Variants in ZNF407 observed in about 807,000 individuals in gnomAD.
The protein encoded by ZNF407 is zinc finger protein 407.
ZNF407 carries 17 observed loss-of-function variants against 131.2 expected under a neutral mutation model. The observed-to-expected ratio is 0.13, with a 90% CI of 0.09 to 0.19. The LOEUF (loss-of-function observed/expected upper bound fraction) is 0.19, where lower values mean the gene tolerates loss of function less well. Ranked by LOEUF, ZNF407 falls within the 10% of genes least tolerant of loss-of-function variation. The pLI, the probability that ZNF407 is intolerant of heterozygous loss-of-function variation, is 1.00. For missense variants in ZNF407, 2,681 were observed against 2,830.6 expected, an observed-to-expected ratio of 0.95 and a Z score of 1.20; for synonymous variants, 1,156 against 1,062.0, an observed-to-expected ratio of 1.09 and a Z score of -1.72.
chr18:74,803,786 G>T (rs1031689276), intron 4 of ZNF407, among the ~76,000 whole-genome samples: 10 of 152,170 alleles, frequency 6.6e-5, no homozygotes, highest in African/African-American at 2.2e-4. Context: ...GTTACCTTGG[G>T]TCTGTGTGTC....
intron 3 of ZNF407, among the ~76,000 whole-genome samples, chr18:74,675,090 C>G (rs1056475763): frequency 1.4e-4 from 21 of 152,316 alleles, no homozygotes; most frequent in Non-Finnish European, 2.4e-4. Flanking sequence ...CTGTCACTCT[C>G]TACTCACTAA....
At chr18:74,601,974 C>G (rs1486138205) in intron 1 of ZNF407, among the ~76,000 whole-genome samples, 1 of 152,200 alleles carries the variant, frequency 6.6e-6, no homozygotes, top group Non-Finnish European at 1.5e-5. Context: ...ATAGCTACAC[C>G]TACATATGTA....
chr18:74,727,918 C>G (rs186798578), intron 3 of ZNF407, among the ~76,000 whole-genome samples: 81 of 152,234 alleles, frequency 5.3e-4, no homozygotes, highest in African/African-American at 1.8e-3. Context: ...TGGATTCGGA[C>G]AAGAAGACAA....
At chr18:74,661,592 C>T (rs1985718166) in intron 3 of ZNF407, among the ~76,000 whole-genome samples, 1 of 151,846 alleles carries the variant, frequency 6.6e-6, no homozygotes. Context: ...AAGTTAGCTG[C>T]ATTTCTCAAA....
chr18:74,664,304 A>G (rs1456537313), intron 3 of ZNF407, among the ~76,000 whole-genome samples: 1 of 152,220 alleles, frequency 6.6e-6, no homozygotes, highest in Admixed American at 6.5e-5. Context: ...GCTCGAGGCC[A>G]GCCTGGCCAA....
intron 4 of ZNF407, among the ~76,000 whole-genome samples, chr18:74,785,787 T>G (rs1265773238): frequency 1.3e-5 from 2 of 148,500 alleles, no homozygotes; most frequent in African/African-American, 4.9e-5. Flanking sequence ...CACACACATG[T>G]CACCCACATG....
Position 74,786,515 on chromosome 18 carries a change from G to C in ZNF407, c.4877+5013G>C, listed in dbSNP as rs980056595. Reference sequence around the variant, plus strand: ...TGATGGCCAATTTAGGAAAAATAAAGTGTTTATGGGCTTCTCTCCACCTTA... The same window carrying C: ...TGATGGCCAATTTAGGAAAAATAAACTGTTTATGGGCTTCTCTCCACCTTA... On this transcript the variant is annotated intron_variant, in intron 4 of 8. Transcript: ENST00000299687. 8.6e-5 allele frequency among the ~76,000 whole-genome samples: 13 copies of C among 150,854 alleles called. 1 individual carries two copies. The highest frequency in any genetic ancestry group is 7.9e-4 in the Admixed American group (12 of 15,150).
chr18:74,758,647 G>T (rs904191099), intron 3 of ZNF407, among the ~76,000 whole-genome samples: 2 of 152,158 alleles, frequency 1.3e-5, no homozygotes, highest in Non-Finnish European at 2.9e-5. Flanking sequence ...CTGGAGTGCA[G>T]TGGCATGATC....
At chr18:74,683,457 G>T (rs1967032019) in intron 3 of ZNF407, among the ~76,000 whole-genome samples, 1 of 152,106 alleles carries the variant, frequency 6.6e-6, no homozygotes, top group Admixed American at 6.5e-5. Context: ...GACTAAACAG[G>T]ATTAGAAATG....
intron 7 of ZNF407, chr18:74,897,981 T>A (rs1438430576): frequency 6.6e-6 from 1 of 152,232 alleles, no homozygotes; most frequent in East Asian, 1.9e-4. Flanking sequence ...TTGGTCAGAG[T>A]GCTAAGATAC....
intron 8 of ZNF407, among the ~76,000 whole-genome samples, chr18:75,027,860 A>C (rs1032273782): frequency 6.6e-6 from 1 of 152,208 alleles, no homozygotes; most frequent in African/African-American, 2.4e-5. Context: ...AGAGATGGTC[A>C]GCTGTAGCTA....
chr18:74,825,016 A>T (rs1438309495), intron 4 of ZNF407, among the ~76,000 whole-genome samples: 1 of 152,244 alleles, frequency 6.6e-6, no homozygotes, highest in Non-Finnish European at 1.5e-5. Flanking sequence ...ATCCGCTACG[A>T]TCAAGTCGCC....
intron 3 of ZNF407, among the ~76,000 whole-genome samples, chr18:74,674,184 A>T (rs991004656): frequency 6.6e-6 from 1 of 152,092 alleles, no homozygotes; most frequent in Admixed American, 6.5e-5. Context: ...CTCCCTCACC[A>T]CTTAATGTGT....
At chr18:74,675,374 T>C (rs1408175791) in intron 3 of ZNF407, among the ~76,000 whole-genome samples, 4 of 152,240 alleles carry the variant, frequency 2.6e-5, no homozygotes, top group African/African-American at 9.6e-5. Context: ...GTAAGAACTT[T>C]GTGCATTTTC....
intron 8 of ZNF407, among the ~76,000 whole-genome samples, chr18:75,042,485 G>T (rs1973385108): frequency 6.6e-6 from 1 of 152,146 alleles, no homozygotes; most frequent in Non-Finnish European, 1.5e-5. Context: ...GAGAGAAAAT[G>T]ATGTAACTGC....
chr18:74,988,280 A>G (rs1469586353), intron 8 of ZNF407, among the ~76,000 whole-genome samples: 3 of 152,288 alleles, frequency 2.0e-5, no homozygotes, highest in Non-Finnish European at 4.4e-5. Flanking sequence ...CCTAAATATG[A>G]AAGTTAAACT....
In ZNF407 at chr18:74,916,523, GGTT is replaced by G. The variant is rs567718498; in HGVS notation, c.5250-3988_5250-3986del. On this transcript the variant is annotated intron_variant, in intron 7 of 8. Coordinates refer to ENST00000299687, the MANE Select transcript of ZNF407 (RefSeq NM_017757.3). ...GTGCATGTGTGTGCTGGTATGGTGA[GGTT>G]GTGTGCAGCATTGGTTCGAATCGGG... Among the ~76,000 whole-genome samples the G allele has an allele frequency of 1.8e-3, 213 of 117,926 alleles. 2 individuals are homozygous for G. The highest frequency in any genetic ancestry group is 7.2e-3 in the African/African-American group (189 of 26,298). The allele number at this position is 117,926 out of a possible 152,430, so 77.4% of individuals were successfully genotyped here.
intron 7 of ZNF407, among the ~76,000 whole-genome samples, chr18:74,891,009 G>A (rs1035024818): frequency 6.6e-6 from 1 of 152,222 alleles, no homozygotes; most frequent in South Asian, 2.1e-4. Flanking sequence ...AGGTAGCAGA[G>A]TTACCTAGTG....
intron 3 of ZNF407, among the ~76,000 whole-genome samples, chr18:74,675,845 G>GT (rs1419562676): frequency 6.6e-6 from 1 of 152,114 alleles, no homozygotes; most frequent in Non-Finnish European, 1.5e-5. Flanking sequence ...CTACACCATT[G>GT]TTATCAAGCA....
Sources: gnomAD v4.1 joint callset for allele counts (sites outside exome capture counted in the v4.1 genomes callset) on GRCh38, gnomAD v4.1.1 for gene constraint, MANE v1.5 for transcripts, NCBI Gene and HGNC (gene_info 2026-07-23, HGNC 2026-07-21) for gene names.